SMTNL1: variants seen among roughly 807,000 people sequenced by gnomAD.
SMTNL1 encodes the protein smoothelin-like protein 1.
Under a neutral mutation model 46.6 loss-of-function variants are expected in SMTNL1, and 41 were observed. The observed-to-expected ratio is 0.88, with a 90% confidence interval of 0.69 to 1.14. The LOEUF is 1.14. Among genes scored for constraint, SMTNL1 ranks in the 50% most tolerant of loss-of-function variants. SMTNL1 has a pLI of 0.00. For synonymous variants in SMTNL1, 234 were observed against 234.2 expected, an observed-to-expected ratio of 1.00 and a Z score of 0.01; for missense variants, 591 against 626.1, an observed-to-expected ratio of 0.94 and a Z score of 0.60.
intron 7 of SMTNL1, 136 bp from the exon 8 acceptor site, chr11:57,549,832 C>T: frequency 1.1e-6 from 1 of 882,222 alleles, no homozygotes; most frequent in Non-Finnish European, 1.7e-6. Context: ...GGATGATTGG[C>T]TTAGATGATC....
In SMTNL1 at chr11:57,542,732, T is replaced by C; in HGVS notation, c.90T>C (p.Pro30=). 1.2e-6 allele frequency: 2 copies of C among 1,613,828 alleles called. No individual in the cohort carries two copies. The highest frequency in any genetic ancestry group is 1.7e-6 in the Non-Finnish European group (2 of 1,179,834). The change falls in exon 2 of 8, where the codon CCT becomes CCC. Residue 30 remains proline, a synonymous_variant. Coordinates refer to ENST00000527972, the MANE Select transcript of SMTNL1 (RefSeq NM_001105565.3). ...DNPEMSGGGA[P]AEETKGTAGK... is the part of the protein sequence containing the mutation. ...CTGAGATGTCAGGAGGTGGAGCCCC[T>C]GCAGAGGAGACCAAAGGCACAGCTG...
At position 57,537,828 on chromosome 11, in the gene SMTNL1, C is replaced by A. The variant is rs150299363; in HGVS notation, c.-3+186C>A. On this transcript the variant is annotated intron_variant, in intron 1 of 7. Coordinates refer to ENST00000527972, the MANE Select transcript of SMTNL1 (RefSeq NM_001105565.3). ...CTGGGGTCTCAGCCCTGCACCAGAG[C>A]ACCTACAGAGCAGACTGCAAGTGGC... Among the ~76,000 whole-genome samples, 138 of 152,326 alleles carry A rather than the reference C, an allele frequency of 9.1e-4. 4 individuals carry two copies. In the East Asian group the frequency reaches 0.022, roughly 24 times the overall value.
intron 7 of SMTNL1, among the ~76,000 whole-genome samples, chr11:57,546,961 C>A (rs1305879927): frequency 1.3e-5 from 2 of 151,876 alleles, no homozygotes; most frequent in African/African-American, 4.8e-5. Flanking sequence ...AGTGAGACCC[C>A]CATCTCTACA....
intron 1 of SMTNL1, among the ~76,000 whole-genome samples, chr11:57,540,715 CTT>C (rs370179940): frequency 3.5e-5 from 5 of 144,886 alleles, no homozygotes; most frequent in Non-Finnish European, 1.5e-5. Flanking sequence ...CATCTTCCCT[CTT>C]TTTTTTTTTT....
intron 1 of SMTNL1, among the ~76,000 whole-genome samples, chr11:57,540,733 C>T (rs1420902485): frequency 4.6e-5 from 6 of 129,714 alleles, no homozygotes; most frequent in East Asian, 2.1e-4. Flanking sequence ...TTTTTTGAGA[C>T]GGAGTCTCGC....
intron 7 of SMTNL1, among the ~76,000 whole-genome samples, chr11:57,548,833 G>A (rs1252396849): frequency 3.3e-5 from 5 of 152,018 alleles, no homozygotes; most frequent in Non-Finnish European, 7.4e-5. Context: ...CCTGCCACAA[G>A]AATTTCTATG....
chr11:57,546,584 C>G lies in SMTNL1; in HGVS notation c.1272C>G (p.Ala424=). The change falls in exon 7 of 8, where the codon GCC becomes GCG. Residue 424 remains alanine (A), a synonymous_variant. Transcript: ENST00000527972. ...TCATCCACAAGTTCTTCCCTGACGC[C>G]TTTGACTACGCAGAGCTGGATCCCG... ...CALIHKFFPD[A]FDYAELDPAK... 6.2e-7 allele frequency: 1 copy of G among 1,614,144 alleles called. No individual in the cohort carries two copies. Among genetic ancestry groups the G allele is most frequent in the Non-Finnish European group, 8.5e-7 (1 of 1,179,978 alleles).
chr11:57,542,139 C>A (rs140572200), intron 1 of SMTNL1, among the ~76,000 whole-genome samples: 20,315 of 148,348 alleles, frequency 0.14, 1,583 homozygotes, highest in African/African-American at 0.19. Context: ...CACACACACA[C>A]ACACAAAAAT....
At chr11:57,538,382 T>C (rs1003491862) in intron 1 of SMTNL1, among the ~76,000 whole-genome samples, 4 of 152,102 alleles carry the variant, frequency 2.6e-5, no homozygotes, top group African/African-American at 9.7e-5. Context: ...AGGGGAGATA[T>C]CTGCAGTGCT....
At chr11:57,549,880 G>T in intron 7 of SMTNL1, 88 bp from the exon 8 acceptor site, 1 of 1,461,188 alleles carries the variant, frequency 6.8e-7, no homozygotes. Flanking sequence ...TATGGGCTTC[G>T]TCATTGCTGG....
In SMTNL1 at chr11:57,543,641, C is replaced by T. The variant is rs368686798; in HGVS notation, c.750C>T (p.Ser250=). The change falls in exon 3 of 8, where the codon AGC becomes AGT. Residue 250 remains serine, a synonymous_variant. Coordinates refer to ENST00000527972, the MANE Select transcript of SMTNL1 (RefSeq NM_001105565.3). ...DAEEAEPGSP[S]EEQEQDVEKE... Reference sequence around the variant, plus strand: ...CATTCCAGGAGCCAGGCAGTCCCAGCGAAGAGCAGGAGCAGGACGTGGAAA... The same window carrying T: ...CATTCCAGGAGCCAGGCAGTCCCAGTGAAGAGCAGGAGCAGGACGTGGAAA... 5.0e-5 allele frequency: 81 copies of T among 1,607,276 alleles called. No individual in the cohort carries two copies. The highest frequency in any genetic ancestry group is 1.1e-4 in the African/African-American group (8 of 74,806).
rs1944946306 is a variant in SMTNL1, at chr11:57,550,040, C to T, written c.1413C>T (p.Cys471=). 4.3e-6 allele frequency: 7 copies of T among 1,613,880 alleles called. No individual in the cohort carries two copies. The highest frequency in any genetic ancestry group is 4.5e-5 in the East Asian group (2 of 44,880). ...GGTTGGCTGTGCCCGACTCCAAGTG[C>T]GTCTACACATACATCCAGGAACTGT... is the stretch of plus-strand genomic sequence containing the variant. ...MVRLAVPDSK[C]VYTYIQELYR... is the part of the protein sequence containing the mutation. The change falls in exon 8 of 8, where the codon TGC becomes TGT. Residue 471 remains cysteine (C), a synonymous_variant. Coordinates refer to ENST00000527972, the MANE Select transcript of SMTNL1 (RefSeq NM_001105565.3).
intron 7 of SMTNL1, 27 bp downstream of exon 7, chr11:57,546,679 G>A: frequency 6.2e-7 from 1 of 1,607,650 alleles, no homozygotes; most frequent in Non-Finnish European, 8.5e-7. Flanking sequence ...GGCTGGCAGA[G>A]CTGGATGGGA....
rs1350287440 is a variant in SMTNL1, at chr11:57,543,774, G to A, written c.865+18G>A. ...CAGCACAGGTGAGTGAGAGCCCAGA[G>A]CCCATGGGATGCTGCAGAGGCCACC... On this transcript the variant is annotated intron_variant, in intron 3 of 7. Transcript: ENST00000527972. The A allele has an allele frequency of 1.3e-6, 2 of 1,556,554 alleles. No homozygotes were observed. Among genetic ancestry groups the A allele is most frequent in the Non-Finnish European group, 1.7e-6 (2 of 1,149,988 alleles).
rs755259656 is a variant in SMTNL1, at chr11:57,543,360, G to A, written c.718G>A (p.Asp240Asn). 6.8e-6 allele frequency: 11 copies of A among 1,613,604 alleles called. No individual in the cohort carries two copies. The highest frequency in any genetic ancestry group is 4.2e-6 in the Non-Finnish European group (5 of 1,179,722). Residue 240 changes from aspartate (D) to asparagine (N), a missense_variant, in exon 2 of 8, where the codon GAT (aspartate) becomes AAT (asparagine). Physicochemically the swap from Asp to Asn is conservative, Grantham distance 23. Transcript: ENST00000527972. ...EEADAKEEAE[D>N]AEEAEPGSPS... Reference sequence around the variant, plus strand: ...GGCTGATGCAAAAGAGGAGGCGGAGGATGCAGAGGAGGCAGTGAGTGAGGC... The same window carrying A: ...GGCTGATGCAAAAGAGGAGGCGGAGAATGCAGAGGAGGCAGTGAGTGAGGC...
chr11:57,548,170 C>T (rs1446093537), intron 7 of SMTNL1, among the ~76,000 whole-genome samples: 1 of 152,146 alleles, frequency 6.6e-6, no homozygotes, highest in Admixed American at 6.6e-5. Context: ...GATTGTCGGC[C>T]TCAGCAAAGC....
chr11:57,548,081 A>AG (rs1944934266), intron 7 of SMTNL1, among the ~76,000 whole-genome samples: 1 of 152,094 alleles, frequency 6.6e-6, no homozygotes, highest in Non-Finnish European at 1.5e-5. Flanking sequence ...GATGGAGGGG[A>AG]GGAGTCTATG....
At position 57,546,312 on chromosome 11, in the gene SMTNL1, T is replaced by C; in HGVS notation, c.1153T>C (p.Leu385=). 6.2e-7 allele frequency: 1 copy of C among 1,610,954 alleles called. No individual in the cohort carries two copies. The highest frequency in any genetic ancestry group is 8.5e-7 in the Non-Finnish European group (1 of 1,178,854). The change falls in exon 6 of 8, where the codon TTG becomes CTG. Residue 385 remains leucine (L), a synonymous_variant. Coordinates refer to ENST00000527972, the MANE Select transcript of SMTNL1 (RefSeq NM_001105565.3). ...CATTGGTGGTGTCAAGAACATGCTC[T>C]TGGAGTGGTGCCGAGCCATGACAAA... ...AAIGGVKNML[L]EWCRAMTKKY...
chr11:57,541,634 G>A (rs2135261516), intron 1 of SMTNL1: 3 of 1,322,090 alleles, frequency 2.3e-6, no homozygotes, highest in Non-Finnish European at 3.0e-6. Context: ...GGCTGGTAGA[G>A]CTGGCAAAGC....
Sources: gnomAD v4.1 joint callset for allele counts (sites outside exome capture counted in the v4.1 genomes callset) on GRCh38, gnomAD v4.1.1 for gene constraint, MANE v1.5 for transcripts, NCBI Gene and HGNC (gene_info 2026-07-23, HGNC 2026-07-21) for gene names.